The following DGKB variants were observed in gnomAD, a reference collection of about 807,000 sequenced individuals.
DGKB encodes the protein diacylglycerol kinase beta, also known as 90 kDa diacylglycerol kinase.
In DGKB, 67 loss-of-function variants were observed where a neutral mutation model predicts 114.3. The observed-to-expected ratio is 0.59, with a 90% CI of 0.48 to 0.72. The LOEUF (loss-of-function observed/expected upper bound fraction) is 0.72, where lower values mean the gene tolerates loss of function less well. Among genes scored for constraint, DGKB ranks in the 30% least tolerant of loss-of-function variants. The probability of loss-of-function intolerance (pLI) is 0.00; values close to 1 mark genes in which losing one functional copy is unlikely to be tolerated. For synonymous variants in DGKB, 398 were observed against 323.1 expected (o/e 1.23, Z -2.49); for missense variants, 907 against 975.2 (o/e 0.93, Z 0.93).
chr7:14,438,308 A>G (rs962376303), intron 21 of DGKB, among the ~76,000 whole-genome samples: 1 of 152,140 alleles, frequency 6.6e-6, no homozygotes, highest in African/African-American at 2.4e-5. Context: ...GTAGGTCAAG[A>G]GAGCAAAGCT....
At chr7:14,723,737 A>G (rs953913896) in intron 5 of DGKB, among the ~76,000 whole-genome samples, 18 of 152,192 alleles carry the variant, frequency 1.2e-4, no homozygotes, top group African/African-American at 4.1e-4. Context: ...AGTTCATTAT[A>G]TATACACATA....
chr7:14,338,823 C>T, intron 22 of DGKB, 113 bp from the exon 23 acceptor site: 1 of 625,002 alleles, frequency 1.6e-6, no homozygotes, highest in South Asian at 4.7e-5. Context: ...ATAATGTTGT[C>T]ATTTCCAAAC....
At chr7:14,630,610 A>C (rs900201802) in intron 13 of DGKB, among the ~76,000 whole-genome samples, 1 of 151,848 alleles carries the variant, frequency 6.6e-6, no homozygotes, top group African/African-American at 2.4e-5. Context: ...TTGCCCCTTT[A>C]CCCATCCCAA....
At chr7:14,363,804 C>A (rs1432562044) in intron 21 of DGKB, among the ~76,000 whole-genome samples, 1 of 151,994 alleles carries the variant, frequency 6.6e-6, no homozygotes, top group Non-Finnish European at 1.5e-5. Flanking sequence ...AGAGGCAGTG[C>A]TTAAATTTCA....
intron 14 of DGKB, among the ~76,000 whole-genome samples, chr7:14,626,368 C>T (rs1197186637): frequency 6.6e-6 from 1 of 152,246 alleles, no homozygotes; most frequent in East Asian, 1.9e-4. Flanking sequence ...GCATCCATCA[C>T]TTGTATCGTA....
chr7:14,633,155 T>C (rs898829716), intron 13 of DGKB, among the ~76,000 whole-genome samples: 5 of 151,872 alleles, frequency 3.3e-5, no homozygotes, highest in African/African-American at 1.2e-4. Flanking sequence ...GTATGAGATA[T>C]CTACTGATAG....
chr7:14,148,947 A>G lies in DGKB; in HGVS notation c.*184T>C, dbSNP rs188415348. 3 of 606,170 alleles carry G rather than the reference A, an allele frequency of 4.9e-6. 1 individual carries two copies. Among genetic ancestry groups the G allele is most frequent in the South Asian group, 4.1e-5 (2 of 49,374 alleles). The allele number at this position is 606,170 out of a possible 1,614,324, so 37.5% of individuals were successfully genotyped here. ...CTGCTTTCTTCATGCAAAGATGCCT[A>G]TAAAAACTGAGACAATAAATTTTCT... On this transcript the variant is annotated 3_prime_UTR_variant, in exon 26 of 26. Coordinates refer to ENST00000402815, the MANE Select transcript of DGKB (RefSeq NM_001350709.2).
intron 1 of DGKB, among the ~76,000 whole-genome samples, chr7:14,859,564 CAT>C (rs1287679275): frequency 6.6e-6 from 1 of 152,000 alleles, no homozygotes; most frequent in Non-Finnish European, 1.5e-5. Flanking sequence ...GAAGCAATGG[CAT>C]AAAAGAAAAA....
At chr7:14,195,791 T>G in intron 23 of DGKB, among the ~76,000 whole-genome samples, 1 of 152,182 alleles carries the variant, frequency 6.6e-6, no homozygotes, top group East Asian at 1.9e-4. Flanking sequence ...AAAAGTGATT[T>G]ACAGTAAACA....
chr7:14,745,838 C>G lies in DGKB; in HGVS notation c.168+8090G>C, dbSNP rs538040096. ...ATTTTTCCTGGTCATGAGACAAGAA[C>G]CTGGATTTAGCTGAACTAAGGAGCA... On this transcript the variant is annotated intron_variant, in intron 4 of 25. Coordinates refer to ENST00000402815, the MANE Select transcript of DGKB (RefSeq NM_001350709.2). Among the ~76,000 whole-genome samples the G allele has an allele frequency of 3.7e-4, 56 of 152,258 alleles. No individual in the cohort carries two copies. In the South Asian group the frequency reaches 0.011, roughly 31 times the overall value.
chr7:14,147,609 A>G lies in DGKB; in HGVS notation c.*1522T>C, dbSNP rs1278246831. 2 of 152,418 alleles carry G rather than the reference A, an allele frequency of 1.3e-5. No individual in the cohort carries two copies. Among genetic ancestry groups the G allele is most frequent in the African/African-American group, 4.8e-5 (2 of 41,466 alleles). 9.4% of individuals were successfully genotyped at this position (152,418 alleles called of 1,614,324 possible). ...GAAAGATGAATGAATCAATAACAAA[A>G]TAGAACCGATAAATCATTAGCACTT... On this transcript the variant is annotated 3_prime_UTR_variant, in exon 26 of 26. Coordinates refer to ENST00000402815, the MANE Select transcript of DGKB (RefSeq NM_001350709.2).
At chr7:14,564,231 C>A (rs1342901501) in intron 20 of DGKB, among the ~76,000 whole-genome samples, 2 of 152,076 alleles carry the variant, frequency 1.3e-5, no homozygotes, top group African/African-American at 4.8e-5. Context: ...TAGTGTTCCA[C>A]CTGGAAAGAC....
Position 14,263,591 on chromosome 7 carries a change from ATC to A in DGKB, c.2122+74922_2122+74923del, listed in dbSNP as rs1456205800. On this transcript the variant is annotated intron_variant, in intron 23 of 25. Coordinates refer to ENST00000402815, the MANE Select transcript of DGKB (RefSeq NM_001350709.2). ...AGTTCAGATATTACCTTTTCCAAAAATCTCCCTAATTTATGGTGGCCACCTTC... is the reference window on the plus strand; with the variant it reads ...AGTTCAGATATTACCTTTTCCAAAAATCCCTAATTTATGGTGGCCACCTTC... Among the ~76,000 whole-genome samples, 3 of 152,062 alleles carry A rather than the reference ATC, an allele frequency of 2.0e-5. No individual in the cohort carries two copies. In the East Asian group the frequency reaches 5.8e-4, roughly 29 times the overall value.
intron 25 of DGKB, among the ~76,000 whole-genome samples, chr7:14,167,531 G>A (rs1006785359): frequency 6.6e-6 from 1 of 152,142 alleles, no homozygotes; most frequent in East Asian, 1.9e-4. Flanking sequence ...AGAGGAGGTG[G>A]CTTGAGAAAG....
At chr7:14,194,502 A>T (rs1784747122) in intron 23 of DGKB, among the ~76,000 whole-genome samples, 1 of 152,156 alleles carries the variant, frequency 6.6e-6, no homozygotes, top group African/African-American at 2.4e-5. Context: ...AGTAAAAATA[A>T]TTTTTAAATA....
intron 4 of DGKB, among the ~76,000 whole-genome samples, chr7:14,742,568 T>C (rs1486880460): frequency 1.3e-5 from 2 of 152,240 alleles, no homozygotes; most frequent in Non-Finnish European, 2.9e-5. Context: ...GGTTGTAAAC[T>C]GCTTCTTTGG....
chr7:14,489,348 T>C (rs1405330755), intron 20 of DGKB, among the ~76,000 whole-genome samples: 2 of 152,188 alleles, frequency 1.3e-5, no homozygotes, highest in Admixed American at 6.6e-5. Flanking sequence ...CACAGTAAAT[T>C]AGATATTTAA....
Position 14,778,974 on chromosome 7 carries a change from G to A in DGKB, c.71-21243C>T, listed in dbSNP as rs535651690. ...AGTTCGAGATCAACCTGGCCAACAT[G>A]GTGAAACCCCACCTCTACTAAAACT... On this transcript the variant is annotated intron_variant, in intron 2 of 25. Coordinates refer to ENST00000402815, the MANE Select transcript of DGKB (RefSeq NM_001350709.2). Among the ~76,000 whole-genome samples, 668 of 152,194 alleles carry A rather than the reference G, an allele frequency of 4.4e-3. 8 individuals carry two copies. The highest frequency in any genetic ancestry group is 0.015 in the African/African-American group (625 of 41,520).
chr7:14,759,328 T>C (rs61338771), intron 2 of DGKB, among the ~76,000 whole-genome samples: 57,635 of 152,132 alleles, frequency 0.38, 15,807 homozygotes, highest in African/African-American at 0.77. Context: ...TTCATGATGT[T>C]GTGCAATCAT....
Sources: allele counts gnomAD v4.1 joint callset (sites outside exome capture counted in the v4.1 genomes callset), GRCh38; gene constraint gnomAD v4.1.1; transcripts MANE v1.5; gene names NCBI Gene and HGNC (gene_info 2026-07-23, HGNC 2026-07-21).